The following EML5 variants were observed in gnomAD, a reference collection of about 807,000 sequenced individuals.
The protein encoded by EML5 is EMAP like 5.
Under a neutral mutation model 250.0 loss-of-function variants are expected in EML5, and 120 were observed. The ratio of observed to expected loss-of-function variants is 0.48; its 90% confidence interval spans 0.41 to 0.56. The LOEUF (loss-of-function observed/expected upper bound fraction) is 0.56, where lower values mean the gene tolerates loss of function less well. Among genes scored for constraint, EML5 ranks in the 20% least tolerant of loss-of-function variants. The pLI is 0.00. For synonymous variants in EML5, 771 were observed against 806.5 expected, an observed-to-expected ratio of 0.96 and a Z score of 0.75; for missense variants, 2,006 against 2,437.6, an observed-to-expected ratio of 0.82 and a Z score of 3.73.
At chr14:88,650,545 A>C (rs964087498) in intron 27 of EML5, among the ~76,000 whole-genome samples, 3 of 152,242 alleles carry the variant, frequency 2.0e-5, no homozygotes, top group Non-Finnish European at 4.4e-5. Flanking sequence ...CATCCACGAA[A>C]GTATCAACCA....
intron 7 of EML5, among the ~76,000 whole-genome samples, chr14:88,736,104 G>A (rs939745047): frequency 1.3e-5 from 2 of 150,920 alleles, no homozygotes; most frequent in African/African-American, 2.4e-5. Flanking sequence ...GGGTTCAAGC[G>A]ATTCTCCTGC....
intron 11 of EML5, chr14:88,705,959 C>A (rs1716660663): frequency 1.9e-6 from 1 of 536,226 alleles, no homozygotes; most frequent in Admixed American, 2.8e-5. Context: ...AAAGCATTTA[C>A]AAAATCTAGA....
Position 88,646,933 on chromosome 14 carries a change from A to G in EML5, c.4028+14T>C. On this transcript the variant is annotated intron_variant, in intron 29 of 43. Coordinates refer to ENST00000554922, the MANE Select transcript of EML5 (RefSeq NM_183387.3). ...CAAAGTTAGGCTTTGTAAACACAGC[A>G]AAGAGAGGATTACCTGGAACCTCTT... The G allele has an allele frequency of 2.5e-6, 4 of 1,592,246 alleles. No homozygotes were observed. The highest frequency in any genetic ancestry group is 3.4e-6 in the Non-Finnish European group (4 of 1,177,740).
rs138521704 is a variant in EML5 at position 88,649,830 on chromosome 14, GA to G, written c.4019+81del. On this transcript the variant is annotated intron_variant, in intron 28 of 43. Transcript: ENST00000554922. ...CAAATGTAGTTAAATGTTTTATAGG[GA>G]AAAAATACCTTAAAATACCATAAAG... is the stretch of plus-strand genomic sequence containing the variant. The G allele has an allele frequency of 2.9e-4, 339 of 1,165,306 alleles. 1 individual carries two copies. The African/African-American group carries it at 4.2e-3, about 14-fold the overall frequency. The allele number at this position is 1,165,306 out of a possible 1,614,324, so 72.2% of individuals were successfully genotyped here. A position where few individuals can be genotyped will look rare whatever the true frequency, so the allele number is the denominator to read the frequency against.
intron 32 of EML5, among the ~76,000 whole-genome samples, chr14:88,635,671 GTCTCAT>G (rs1427800120): frequency 1.3e-5 from 2 of 152,160 alleles, no homozygotes; most frequent in Non-Finnish European, 2.9e-5. Context: ...GAGACAACCT[GTCTCAT>G]TCTCTTCCAT....
intron 35 of EML5, 34 bp from the exon 36 acceptor site, chr14:88,625,161 A>G: frequency 6.2e-7 from 1 of 1,609,366 alleles, no homozygotes; most frequent in Middle Eastern, 1.7e-4. Context: ...AGACAAACTC[A>G]TCAAAAGTTC....
chr14:88,638,230 G>T (rs2090849486), intron 32 of EML5, among the ~76,000 whole-genome samples: 1 of 152,166 alleles, frequency 6.6e-6, no homozygotes, highest in Non-Finnish European at 1.5e-5. Context: ...CATCAGTTTG[G>T]CTGTAGAGTT....
chr14:88,687,037 T>TA (rs1199905662), intron 19 of EML5, among the ~76,000 whole-genome samples, 179 bp downstream of exon 19: 2 of 152,132 alleles, frequency 1.3e-5, no homozygotes, highest in African/African-American at 2.4e-5. Context: ...TCATAGAAAA[T>TA]AGACTTTTGA....
intron 31 of EML5, among the ~76,000 whole-genome samples, chr14:88,642,042 CT>C (rs2091093333): frequency 6.6e-6 from 1 of 151,992 alleles, no homozygotes; most frequent in African/African-American, 2.4e-5. Flanking sequence ...CTGGTGAATC[CT>C]TTTCTTTATG....
intron 24 of EML5, among the ~76,000 whole-genome samples, chr14:88,662,143 C>A (rs190535640): frequency 6.6e-6 from 1 of 152,038 alleles, no homozygotes; most frequent in East Asian, 1.9e-4. Context: ...TCTTACAGTT[C>A]ATGTTTAAAT....
intron 14 of EML5, among the ~76,000 whole-genome samples, chr14:88,700,473 A>G (rs555142469): frequency 2.0e-5 from 3 of 152,280 alleles, no homozygotes; most frequent in African/African-American, 7.2e-5. Context: ...AGTTATTTTC[A>G]GGAAACAAAG....
At chr14:88,685,740 A>C (rs1446974580) in intron 19 of EML5, among the ~76,000 whole-genome samples, 2 of 152,112 alleles carry the variant, frequency 1.3e-5, no homozygotes, top group African/African-American at 2.4e-5. Context: ...GTGGGCCACC[A>C]CAGCCGGCCC....
chr14:88,632,189 C>A (rs1415034528), intron 33 of EML5, among the ~76,000 whole-genome samples: 1 of 152,138 alleles, frequency 6.6e-6, no homozygotes, highest in African/African-American at 2.4e-5. Flanking sequence ...CGCCCATACC[C>A]AATTAATCAG....
chr14:88,697,666 G>T (rs2093110488), intron 14 of EML5, among the ~76,000 whole-genome samples: 1 of 152,112 alleles, frequency 6.6e-6, no homozygotes, highest in Admixed American at 6.6e-5. Flanking sequence ...TAATATCTTT[G>T]TATATAGAGA....
chr14:88,754,463 AAT>A, intron 2 of EML5, 47 bp downstream of exon 2: 1 of 1,460,472 alleles, frequency 6.8e-7, no homozygotes, highest in Non-Finnish European at 9.2e-7. Context: ...CATTTTCTAT[AAT>A]ATACCTTAAC....
In EML5 at chr14:88,702,088, A is replaced by T. The variant is rs180970191; in HGVS notation, c.2238+358T>A. 3.7e-3 allele frequency among the ~76,000 whole-genome samples: 566 copies of T among 152,274 alleles called. 3 individuals carry two copies. The highest frequency in any genetic ancestry group is 0.013 in the African/African-American group (544 of 41,568). Reference sequence around the variant, plus strand: ...ATAGTCCTTTGGTTTGTCACAGGACATTTGTTAAATAATTTACATTTGTTT... The same window carrying T: ...ATAGTCCTTTGGTTTGTCACAGGACTTTTGTTAAATAATTTACATTTGTTT... On this transcript the variant is annotated intron_variant, in intron 14 of 43. Transcript: ENST00000554922.
chr14:88,767,275 T>C (rs1211024588), intron 1 of EML5, among the ~76,000 whole-genome samples: 2 of 152,212 alleles, frequency 1.3e-5, no homozygotes, highest in East Asian at 3.8e-4. Context: ...ATCTGAAACT[T>C]GGATGATTGT....
In EML5 at chr14:88,658,259, C is replaced by G; in HGVS notation, c.3805G>C (p.Glu1269Gln). 6.2e-6 allele frequency: 10 copies of G among 1,613,814 alleles called. No individual in the cohort carries two copies. Among genetic ancestry groups the G allele is most frequent in the Non-Finnish European group, 8.5e-6 (10 of 1,179,814 alleles). The part of the protein sequence containing the change: ...TDMSLMVWTN[E>Q]MEGYREKRPC... Reference sequence around the variant, plus strand: ...CTTTTTTCTCGATAGCCTTCCATCTCATTTGTCCACACCATTAAAGACATA... The same window carrying G: ...CTTTTTTCTCGATAGCCTTCCATCTGATTTGTCCACACCATTAAAGACATA... Residue 1269 changes from glutamate (E) to glutamine (Q), a missense_variant, in exon 26 of 44, where the codon GAG (glutamate) becomes CAG (glutamine). Glu to Gln is a conservative substitution (Grantham distance 29). Transcript: ENST00000554922.
At chr14:88,702,834 A>C (rs1169087651) in intron 13 of EML5, among the ~76,000 whole-genome samples, 1 of 152,152 alleles carries the variant, frequency 6.6e-6, no homozygotes, top group South Asian at 2.1e-4. Context: ...AGTTCCCTGC[A>C]ATTTTGACCA....
Sources: allele counts gnomAD v4.1 joint callset (sites outside exome capture counted in the v4.1 genomes callset), GRCh38; gene constraint gnomAD v4.1.1; transcripts MANE v1.5; gene names NCBI Gene and HGNC (gene_info 2026-07-23, HGNC 2026-07-21).